The following ALDH3A2 variants were observed in gnomAD, a reference collection of about 807,000 sequenced individuals.
ALDH3A2 encodes the protein aldehyde dehydrogenase 3 family member A2.
ALDH3A2 carries 36 observed loss-of-function variants against 51.3 expected under a neutral mutation model. The ratio of observed to expected loss-of-function variants is 0.70; its 90% CI spans 0.54 to 0.93. The LOEUF (loss-of-function observed/expected upper bound fraction) is 0.93, where lower values mean the gene tolerates loss of function less well. Among genes scored for constraint, ALDH3A2 ranks in the 40% least tolerant of loss-of-function variants. The pLI is 0.00. For synonymous variants in ALDH3A2, 199 were observed against 219.8 expected (o/e 0.91, Z 0.84); for missense variants, 552 against 603.1 (o/e 0.92, Z 0.89).
chr17:19,660,263 C>T (rs2084949336), intron 5 of ALDH3A2, among the ~76,000 whole-genome samples: 1 of 152,116 alleles, frequency 6.6e-6, no homozygotes, highest in African/African-American at 2.4e-5. Flanking sequence ...TTCAGCTCGT[C>T]TGAGGCCTCC....
intron 4 of ALDH3A2, among the ~76,000 whole-genome samples, chr17:19,657,190 A>G (rs1347691490): frequency 6.6e-6 from 1 of 152,216 alleles, no homozygotes; most frequent in Non-Finnish European, 1.5e-5. Flanking sequence ...CTAAGTAGAA[A>G]TCCATTTGTC....
At chr17:19,657,661 A>G in intron 4 of ALDH3A2, 84 bp from the exon 5 acceptor site, 1 of 1,049,798 alleles carries the variant, frequency 9.5e-7, no homozygotes, top group Non-Finnish European at 1.5e-6. Context: ...TTTAGTTGCA[A>G]GACATTCAAA....
At chr17:19,673,671 T>C (rs1345364620) in intron 9 of ALDH3A2, among the ~76,000 whole-genome samples, 1 of 152,050 alleles carries the variant, frequency 6.6e-6, no homozygotes, top group Non-Finnish European at 1.5e-5. Context: ...TGAGCCAAGA[T>C]TGTGCCACTG....
intron 7 of ALDH3A2, among the ~76,000 whole-genome samples, chr17:19,664,387 C>A (rs2085007876): frequency 6.6e-6 from 1 of 152,136 alleles, no homozygotes; most frequent in Admixed American, 6.5e-5. Context: ...TTGTCAAGGG[C>A]TTGCTGGCAC....
rs2084865003 is a variant in ALDH3A2, at chr17:19,654,403, A to AC, written c.471+1773dup. On this transcript the variant is annotated intron_variant, in intron 3 of 9. Transcript: ENST00000176643. The surrounding 1 kb of genome is among the most constrained non-coding windows in gnomAD (Gnocchi z 4.5). ...GGAGGCTCGGGCAGCATGGGAACCC[A>AC]CCAGGGGCGGGGTGGGGGCCTTGGG... Among the ~76,000 whole-genome samples, 1 of 152,154 alleles carries AC rather than the reference A, an allele frequency of 6.6e-6. No individual in the cohort carries two copies. Among genetic ancestry groups the AC allele is most frequent in the Non-Finnish European group, 1.5e-5 (1 of 68,018 alleles).
intron 6 of ALDH3A2, among the ~76,000 whole-genome samples, chr17:19,661,704 T>C (rs908037498): frequency 3.9e-5 from 6 of 152,234 alleles, no homozygotes; most frequent in Non-Finnish European, 8.8e-5. Flanking sequence ...CTTTGTGCTT[T>C]TTCTTCTTTG....
At chr17:19,672,027 G>A in intron 9 of ALDH3A2, 71 bp downstream of exon 9, 2 of 1,343,946 alleles carry the variant, frequency 1.5e-6, no homozygotes, top group Non-Finnish European at 2.1e-6. Context: ...GCATATTCTA[G>A]CAGGACTCTA....
Position 19,650,785 on chromosome 17 carries a change from C to T in ALDH3A2, c.154-762C>T, listed in dbSNP as rs117087280. Among the ~76,000 whole-genome samples, 196 of 152,220 alleles carry T rather than the reference C, an allele frequency of 1.3e-3. No individual in the cohort carries two copies. In the East Asian group the frequency reaches 0.035, roughly 27 times the overall value. On this transcript the variant is annotated intron_variant, in intron 1 of 9. Coordinates refer to ENST00000176643, the MANE Select transcript of ALDH3A2 (RefSeq NM_000382.3). ...TTGTTTTTACTTTTTATCTGCATTA[C>T]ATGTGTAGCAAGGCTTTGCTCTGGG...
rs1444267948 is a variant in ALDH3A2 at position 19,675,387 on chromosome 17, C to T, written c.1444-171C>T. On this transcript the variant is annotated intron_variant, in intron 9 of 9. Transcript: ENST00000176643. ...GAAGGGCATAATCCTTTGGCCTAAA[C>T]CGTGCTTCCTAGGCTTCCTAGGGAT... 28 of 706,306 alleles carry T rather than the reference C, an allele frequency of 4.0e-5. No individual in the cohort carries two copies. In the Admixed American group the frequency reaches 6.5e-4, roughly 16 times the overall value. 43.8% of individuals were successfully genotyped at this position (706,306 alleles called of 1,614,324 possible).
At position 19,676,416 on chromosome 17, in the gene ALDH3A2, G is replaced by C. The variant is rs1028357855; in HGVS notation, c.*844G>C. 6.6e-6 allele frequency: 1 copy of C among 152,330 alleles called. No homozygotes were observed. The allele number at this position is 152,330 out of a possible 1,614,324, so 9.4% of individuals were successfully genotyped here. The stretch of plus-strand genomic sequence containing the variant: ...TGCCTGTAATCCCAGCACTTTGGGA[G>C]GCCGAGGTGGGAGGATTGCTTGAGT... On this transcript the variant is annotated 3_prime_UTR_variant, in exon 10 of 10. Coordinates refer to ENST00000176643, the MANE Select transcript of ALDH3A2 (RefSeq NM_000382.3).
chr17:19,668,580 C>T (rs553526324), intron 8 of ALDH3A2, among the ~76,000 whole-genome samples: 10 of 151,626 alleles, frequency 6.6e-5, no homozygotes, highest in South Asian at 2.1e-4. Flanking sequence ...TTTTGGTTTC[C>T]GATTTGGAAA....
At position 19,661,145 on chromosome 17, in the gene ALDH3A2, A is replaced by T. The variant is rs769763084; in HGVS notation, c.817A>T (p.Ile273Leu). The T allele has an allele frequency of 6.2e-7, 1 of 1,611,680 alleles. No homozygotes were observed. The highest frequency in any genetic ancestry group is 8.5e-7 in the Non-Finnish European group (1 of 1,177,776). Residue 273 changes from isoleucine (I) to leucine (L), a missense_variant, in exon 6 of 10, where the codon ATA becomes TTA. Coordinates refer to ENST00000176643, the MANE Select transcript of ALDH3A2 (RefSeq NM_000382.3). ...ETVKEFYGEN[I>L]KESPDYERII... ...TAAATAGGAATTTTATGGAGAAAAT[A>T]TAAAAGAGTCTCCTGATTATGAAAG...
At chr17:19,656,656 C>T in intron 4 of ALDH3A2, 82 bp downstream of exon 4, 1 of 1,316,520 alleles carries the variant, frequency 7.6e-7, no homozygotes, top group Non-Finnish European at 1.1e-6. Flanking sequence ...TGTACTTGAA[C>T]CCCATACCTT....
intron 8 of ALDH3A2, among the ~76,000 whole-genome samples, chr17:19,665,672 T>C (rs934213906): frequency 7.2e-5 from 11 of 152,152 alleles, no homozygotes; most frequent in Middle Eastern, 3.2e-3. Context: ...CTTTTCCCTT[T>C]AGAACATGAC....
In ALDH3A2 at chr17:19,648,868, C is replaced by G. The variant is rs944782276; in HGVS notation, c.-104C>G. 1.2e-5 allele frequency: 18 copies of G among 1,458,594 alleles called. No homozygotes were observed. In the Admixed American group the frequency reaches 1.4e-4, roughly 11 times the overall value. The allele number at this position is 1,458,594 out of a possible 1,614,324, so 90.4% of individuals were successfully genotyped here. On this transcript the variant is annotated 5_prime_UTR_variant, in exon 1 of 10. Transcript: ENST00000176643. ...TGTGGGTTGACGGTGGAGACACCCCCCGGAGGGAGGCGGAGGGAAGGGAGG... is the reference window on the plus strand; with the variant it reads ...TGTGGGTTGACGGTGGAGACACCCCGCGGAGGGAGGCGGAGGGAAGGGAGG...
intron 6 of ALDH3A2, among the ~76,000 whole-genome samples, chr17:19,662,515 G>A (rs553611939): frequency 6.6e-6 from 1 of 152,180 alleles, no homozygotes; most frequent in African/African-American, 2.4e-5. Context: ...ATCTTTTGGA[G>A]TACTGCTAGT....
rs1479430009 is a variant in ALDH3A2 at position 19,648,795 on chromosome 17, G to A, written c.-177G>A. The A allele has an allele frequency of 1.2e-5, 10 of 829,072 alleles. No individual in the cohort carries two copies. Among genetic ancestry groups the A allele is most frequent in the African/African-American group, 1.7e-5 (1 of 59,174 alleles). The allele number at this position is 829,072 out of a possible 1,614,324, so 51.4% of individuals were successfully genotyped here. ...CGACTGGCAGTGGGACTCAGCGGGC[G>A]TGGAGGTCGCGGCTGAGCGAGCGAG... On this transcript the variant is annotated 5_prime_UTR_variant, in exon 1 of 10. The change creates a new upstream start codon in the 5' untranslated region. Transcript: ENST00000176643.
At chr17:19,668,200 A>G (rs1211454543) in intron 8 of ALDH3A2, among the ~76,000 whole-genome samples, 1 of 152,114 alleles carries the variant, frequency 6.6e-6, no homozygotes, top group Non-Finnish European at 1.5e-5. Context: ...TCTGTAATAC[A>G]TATCCCTTTC....
At chr17:19,673,333 C>T in intron 9 of ALDH3A2, 2 of 1,557,382 alleles carry the variant, frequency 1.3e-6, no homozygotes. Flanking sequence ...GGTATGTTTT[C>T]AAGGGTTTTT....
Sources: gnomAD v4.1 joint callset for allele counts (sites outside exome capture counted in the v4.1 genomes callset) on GRCh38, gnomAD v4.1.1 for gene constraint, Gnocchi (gnomAD v3.1) non-coding constraint, MANE v1.5 for transcripts, NCBI Gene and HGNC (gene_info 2026-07-23, HGNC 2026-07-21) for gene names.